The following MYO3A variants were observed in gnomAD, a reference collection of about 807,000 sequenced individuals.
MYO3A encodes the protein myosin IIIA.
Under a neutral mutation model 192.7 loss-of-function variants are expected in MYO3A, and 180 were observed. The ratio of observed to expected loss-of-function variants is 0.93; its 90% CI spans 0.83 to 1.06. The LOEUF (loss-of-function observed/expected upper bound fraction) is 1.06, where lower values mean the gene tolerates loss of function less well. Ranked by LOEUF, MYO3A falls within the 50% of genes least tolerant of loss-of-function variation. The probability of loss-of-function intolerance (pLI) is 0.00; values close to 1 mark genes in which losing one functional copy is unlikely to be tolerated. For synonymous variants in MYO3A, 628 were observed against 645.3 expected (o/e 0.97, Z 0.41); for missense variants, 1,896 against 1,905.0 (o/e 1.00, Z 0.09).
chr10:26,153,622 C>A (rs551457794), intron 23 of MYO3A, among the ~76,000 whole-genome samples: 1 of 152,294 alleles, frequency 6.6e-6, no homozygotes, highest in East Asian at 1.9e-4. Flanking sequence ...AACACCTCAG[C>A]CTTTTCTGTT....
intron 17 of MYO3A, among the ~76,000 whole-genome samples, chr10:26,111,856 A>G (rs1838202410): frequency 1.3e-5 from 2 of 152,180 alleles, no homozygotes; most frequent in South Asian, 4.1e-4. Context: ...TACAATAAAC[A>G]AGACAGTGCC....
At chr10:26,132,654 TAACTG>T (rs2131779165) in intron 20 of MYO3A, among the ~76,000 whole-genome samples, 1 of 139,318 alleles carries the variant, frequency 7.2e-6, no homozygotes, top group East Asian at 2.0e-4. Flanking sequence ...ATCTGACTAT[TAACTG>T]AACTAAAGTT....
intron 7 of MYO3A, among the ~76,000 whole-genome samples, chr10:26,017,179 C>T (rs909807285): frequency 9.2e-5 from 14 of 152,104 alleles, no homozygotes; most frequent in Non-Finnish European, 1.9e-4. Flanking sequence ...AGGTGTTTAG[C>T]ATGTATCTGT....
chr10:25,990,416 A>G (rs1341085549), intron 4 of MYO3A, among the ~76,000 whole-genome samples: 1 of 152,152 alleles, frequency 6.6e-6, no homozygotes, highest in Non-Finnish European at 1.5e-5. Flanking sequence ...ATAAATCAAT[A>G]ATGCTTTTAA....
intron 4 of MYO3A, among the ~76,000 whole-genome samples, chr10:25,987,566 A>G (rs1407588346): frequency 3.3e-5 from 5 of 152,228 alleles, no homozygotes; most frequent in African/African-American, 1.2e-4. Flanking sequence ...AACAATTCTC[A>G]AAAGAAGATA....
rs1449182126 is a variant in MYO3A, at chr10:26,212,106, C to G, written c.*143C>G. ...GCAGAGGCTGCCTGCTGCGCTCGGC[C>G]CTCAAGTGCCCGGGCCGGCCTTCGT... On this transcript the variant is annotated 3_prime_UTR_variant, in exon 35 of 35. Transcript: ENST00000642920. The G allele has an allele frequency of 1.6e-6, 2 of 1,254,030 alleles. No individual in the cohort carries two copies. The highest frequency in any genetic ancestry group is 3.5e-5 in the South Asian group (2 of 56,722). The allele number at this position is 1,254,030 out of a possible 1,614,324, so 77.7% of individuals were successfully genotyped here.
At chr10:26,125,362 T>A in intron 18 of MYO3A, 36 bp from the exon 19 acceptor site, 1 of 1,600,878 alleles carries the variant, frequency 6.2e-7, no homozygotes, top group Non-Finnish European at 8.6e-7. Flanking sequence ...CTCATTGCCA[T>A]AATTTCTTCT....
rs529318497 is a variant in MYO3A, at chr10:26,166,975, A to T, written c.3111+797A>T. Among the ~76,000 whole-genome samples the T allele has an allele frequency of 4.6e-5, 7 of 152,334 alleles. No individual in the cohort carries two copies. The South Asian group carries it at 1.4e-3, about 32-fold the overall frequency. Reference sequence around the variant, plus strand: ...AGGTCACTGTTTGGAGAAAGGATGTATTGGTCTTCTCAGGTATTCTCATAG... The same window carrying T: ...AGGTCACTGTTTGGAGAAAGGATGTTTTGGTCTTCTCAGGTATTCTCATAG... On this transcript the variant is annotated intron_variant, in intron 27 of 34. Coordinates refer to ENST00000642920, the MANE Select transcript of MYO3A (RefSeq NM_017433.5).
rs1271776504 is a variant in MYO3A, at chr10:26,212,137, G to A, written c.*174G>A. ...GTGCCCGGGCCGGCCTTCGTGCTCCGAAACAAGAGACCTGGGAGCCCTCGG... is the reference window on the plus strand; with the variant it reads ...GTGCCCGGGCCGGCCTTCGTGCTCCAAAACAAGAGACCTGGGAGCCCTCGG... On this transcript the variant is annotated 3_prime_UTR_variant, in exon 35 of 35. Coordinates refer to ENST00000642920, the MANE Select transcript of MYO3A (RefSeq NM_017433.5). 8.2e-6 allele frequency: 8 copies of A among 972,292 alleles called. No homozygotes were observed. Among genetic ancestry groups the A allele is most frequent in the Admixed American group, 3.0e-5 (1 of 33,432 alleles). 60.2% of individuals were successfully genotyped at this position (972,292 alleles called of 1,614,324 possible).
At chr10:26,073,456 G>C (rs1588903292) in intron 14 of MYO3A, among the ~76,000 whole-genome samples, 2 of 151,704 alleles carry the variant, frequency 1.3e-5, no homozygotes, top group South Asian at 4.2e-4. Context: ...GTAGTCCCAG[G>C]TGCTTGGGTG....
chr10:26,005,536 A>AG (rs1175222061), intron 6 of MYO3A, among the ~76,000 whole-genome samples: 2 of 152,142 alleles, frequency 1.3e-5, no homozygotes, highest in Non-Finnish European at 2.9e-5. Flanking sequence ...AGGTTGTGTA[A>AG]GGGGAATATC....
At chr10:25,946,877 C>CAAAAAAAAA (rs34045169) in intron 2 of MYO3A, among the ~76,000 whole-genome samples, 4 of 50,150 alleles carry the variant, frequency 8.0e-5, no homozygotes, top group African/African-American at 3.9e-4. Flanking sequence ...GACTCCGTCT[C>CAAAAAAAAA]AAAAAAAAAA....
chr10:26,173,854 A>G lies in MYO3A; in HGVS notation c.3590A>G (p.Glu1197Gly). The stretch of plus-strand genomic sequence containing the variant: ...CCAAAAAAAATGAATAATGTGTATG[A>G]GGAAGAGGTTAAGCAAGAATTCTAC... ...QTPKKMNNVYEEEVKQEFYLV... is the reference protein window; with the variant it reads ...QTPKKMNNVYGEEVKQEFYLV... The change falls in exon 30 of 35, where the codon GAG (glutamate) becomes GGG (glycine). Residue 1197 changes from glutamate to glycine, a missense_variant. By Grantham distance (98) the Glu-to-Gly change is moderately conservative. Coordinates refer to ENST00000642920, the MANE Select transcript of MYO3A (RefSeq NM_017433.5). 1 of 1,614,050 alleles carries G rather than the reference A, an allele frequency of 6.2e-7. No homozygotes were observed. Among genetic ancestry groups the G allele is most frequent in the Non-Finnish European group, 8.5e-7 (1 of 1,180,018 alleles).
intron 32 of MYO3A, among the ~76,000 whole-genome samples, chr10:26,199,056 A>G (rs1843552429): frequency 6.6e-6 from 1 of 152,146 alleles, no homozygotes; most frequent in Non-Finnish European, 1.5e-5. Context: ...AGGTTAATGC[A>G]TCGTGCTCCC....
intron 17 of MYO3A, among the ~76,000 whole-genome samples, chr10:26,113,715 G>C (rs1838334320): frequency 6.6e-6 from 1 of 152,104 alleles, no homozygotes. Context: ...TTCTGTGCTA[G>C]GGAGTCAAGA....
Position 26,128,584 on chromosome 10 carries a change from T to C in MYO3A, c.2262+46T>C, listed in dbSNP as rs367725566. 5 of 1,547,592 alleles carry C rather than the reference T, an allele frequency of 3.2e-6. No homozygotes were observed. In the African/African-American group the frequency reaches 6.8e-5, roughly 21 times the overall value. On this transcript the variant is annotated intron_variant, in intron 20 of 34. Coordinates refer to ENST00000642920, the MANE Select transcript of MYO3A (RefSeq NM_017433.5). ...TAAATATGCATGCATGCATGTATTA[T>C]AGGCAGACTTGTACAAATGAAGCAG... is the stretch of plus-strand genomic sequence containing the variant.
chr10:26,100,061 G>A lies in MYO3A; in HGVS notation c.1776+3379G>A, dbSNP rs1055622353. ...GGTCCTGGACTTTTTTTGATTCGTA[G>A]GCTATTAATTATTGCCTCAATTTCA... On this transcript the variant is annotated intron_variant, in intron 17 of 34. Transcript: ENST00000642920. Among the ~76,000 whole-genome samples the A allele has an allele frequency of 7.9e-5, 12 of 152,236 alleles. No homozygotes were observed. The East Asian group carries it at 1.7e-3, about 22-fold the overall frequency.
Position 26,143,591 on chromosome 10 carries a change from G to T in MYO3A, c.2406G>T (p.Gln802His). 1 of 1,614,004 alleles carries T rather than the reference G, an allele frequency of 6.2e-7. No homozygotes were observed. Among genetic ancestry groups the T allele is most frequent in the African/African-American group, 1.3e-5 (1 of 75,058 alleles). Residue 802 changes from glutamine to histidine, a missense_variant, in exon 21 of 35, where the codon CAG (glutamine) becomes CAT (histidine). Coordinates refer to ENST00000642920, the MANE Select transcript of MYO3A (RefSeq NM_017433.5). ...GTAGATTTCCCAAGGCCACTGACCA[G>T]ACTCTTGTAGGTGAGTTTTCAGTCC... is the stretch of plus-strand genomic sequence containing the variant. ...EESRFPKATD[Q>H]TLVEKFEGNL... is the part of the protein sequence containing the mutation.
chr10:26,102,208 A>G (rs923907252), intron 17 of MYO3A, among the ~76,000 whole-genome samples: 1 of 152,206 alleles, frequency 6.6e-6, no homozygotes, highest in Non-Finnish European at 1.5e-5. Flanking sequence ...AAGCTTTTGC[A>G]TGCGTCACAT....
Sources: gnomAD v4.1 joint callset for allele counts (sites outside exome capture counted in the v4.1 genomes callset) on GRCh38, gnomAD v4.1.1 for gene constraint, MANE v1.5 for transcripts, NCBI Gene and HGNC (gene_info 2026-07-23, HGNC 2026-07-21) for gene names.